PARD3: variants seen among roughly 807,000 people sequenced by gnomAD.
The protein encoded by PARD3 is par-3 family cell polarity regulator.
Under a neutral mutation model 155.4 loss-of-function variants are expected in PARD3, and 75 were observed. The observed-to-expected ratio is 0.48, with a 90% CI of 0.40 to 0.58. The LOEUF (loss-of-function observed/expected upper bound fraction) is 0.58, where lower values mean the gene tolerates loss of function less well. Ranked by LOEUF, PARD3 falls within the 20% of genes least tolerant of loss-of-function variation. The pLI is 0.00. For synonymous variants in PARD3, 576 were observed against 610.5 expected (o/e 0.94, Z 0.83); for missense variants, 1,642 against 1,721.7 (o/e 0.95, Z 0.82).
chr10:34,464,647 CAAAT>C (rs1048598662), intron 4 of PARD3, among the ~76,000 whole-genome samples: 3 of 152,062 alleles, frequency 2.0e-5, no homozygotes, highest in Non-Finnish European at 4.4e-5. Flanking sequence ...AAAAAACCAT[CAAAT>C]AAAGTTAAAC....
chr10:34,665,541 TA>T (rs755953603), intron 2 of PARD3, among the ~76,000 whole-genome samples: 1 of 150,200 alleles, frequency 6.7e-6, no homozygotes, highest in Non-Finnish European at 1.5e-5. Flanking sequence ...TAAAAATTTT[TA>T]AAAAAAAGAA....
chr10:34,776,959 C>G (rs2134136619), intron 1 of PARD3, among the ~76,000 whole-genome samples: 2 of 151,016 alleles, frequency 1.3e-5, no homozygotes, highest in South Asian at 4.2e-4. Context: ...GCCTCAGCCT[C>G]CTGAATAGCT....
chr10:34,306,969 C>T (rs1420413357), intron 20 of PARD3, among the ~76,000 whole-genome samples: 1 of 152,046 alleles, frequency 6.6e-6, no homozygotes, highest in Admixed American at 6.5e-5. Context: ...TCACTGCAAG[C>T]TCCGCCTCCT....
At chr10:34,408,274 T>TA (rs539131967) in intron 5 of PARD3, among the ~76,000 whole-genome samples, 5 of 152,150 alleles carry the variant, frequency 3.3e-5, no homozygotes, top group African/African-American at 9.6e-5. Context: ...CAAGTGTTTT[T>TA]AAAAAAAATT....
Position 34,413,949 on chromosome 10 carries a change from G to A in PARD3, c.715-12032C>T, listed in dbSNP as rs142122655. Among the ~76,000 whole-genome samples, 24 of 152,296 alleles carry A rather than the reference G, an allele frequency of 1.6e-4. 1 individual carries two copies. In the East Asian group the frequency reaches 4.4e-3, roughly 28 times the overall value. On this transcript the variant is annotated intron_variant, in intron 5 of 24. Transcript: ENST00000374788. ...ATTGACAAGGTCAAAGAGATTAATAGTTAACGATCTCATTTCTTCTGACAG... is the reference window on the plus strand; with the variant it reads ...ATTGACAAGGTCAAAGAGATTAATAATTAACGATCTCATTTCTTCTGACAG...
intron 1 of PARD3, among the ~76,000 whole-genome samples, chr10:34,802,375 A>G (rs1269142724): frequency 6.6e-6 from 1 of 152,232 alleles, no homozygotes; most frequent in Admixed American, 6.5e-5. Context: ...TGAAATAGCC[A>G]TTAAAATTTT....
intron 2 of PARD3, among the ~76,000 whole-genome samples, chr10:34,620,864 C>A (rs1005979559): frequency 3.3e-5 from 5 of 152,128 alleles, no homozygotes; most frequent in African/African-American, 1.2e-4. Context: ...AAAGAAAAAC[C>A]ACATATGCAC....
At chr10:34,368,100 A>T (rs973769928) in intron 12 of PARD3, among the ~76,000 whole-genome samples, 2 of 152,152 alleles carry the variant, frequency 1.3e-5, no homozygotes, top group Non-Finnish European at 2.9e-5. Context: ...AATACAAACA[A>T]TTAGCCAGGC....
At chr10:34,590,236 C>T (rs2088542630) in intron 2 of PARD3, among the ~76,000 whole-genome samples, 1 of 152,310 alleles carries the variant, frequency 6.6e-6, no homozygotes, top group Non-Finnish European at 1.5e-5. Flanking sequence ...GCAGGACTCA[C>T]AACGTCCCCC....
intron 5 of PARD3, among the ~76,000 whole-genome samples, chr10:34,422,850 G>A (rs890306523): frequency 8.6e-5 from 13 of 152,030 alleles, no homozygotes; most frequent in African/African-American, 2.9e-4. Context: ...AATTAGTACG[G>A]CTATTATGAA....
intron 1 of PARD3, among the ~76,000 whole-genome samples, chr10:34,733,631 G>T (rs1590867455): frequency 6.6e-6 from 1 of 152,270 alleles, no homozygotes; most frequent in East Asian, 1.9e-4. Flanking sequence ...TTACAGGCGT[G>T]TGCCACCAAA....
intron 2 of PARD3, among the ~76,000 whole-genome samples, chr10:34,529,578 A>ATTCATGACTTACACATTC (rs1564813418): frequency 6.6e-6 from 1 of 152,186 alleles, no homozygotes; most frequent in African/African-American, 2.4e-5. Flanking sequence ...CTTAACTACC[A>ATTCATGACTTACACATTC]AAGCCTACTG....
At chr10:34,330,770 A>AAT (rs1354272715) in intron 19 of PARD3, among the ~76,000 whole-genome samples, 2 of 152,156 alleles carry the variant, frequency 1.3e-5, no homozygotes, top group African/African-American at 4.8e-5. Context: ...TTTACCAAAA[A>AAT]ATATATATAT....
At chr10:34,747,729 G>A (rs944135231) in intron 1 of PARD3, among the ~76,000 whole-genome samples, 2 of 152,106 alleles carry the variant, frequency 1.3e-5, no homozygotes, top group African/African-American at 2.4e-5. Context: ...GACTAACAAC[G>A]ATTTAAAAGC....
At chr10:34,401,288 T>A (rs1843853893) in intron 6 of PARD3, among the ~76,000 whole-genome samples, 1 of 152,178 alleles carries the variant, frequency 6.6e-6, no homozygotes. Flanking sequence ...CCTTTTACAC[T>A]TAAAATCATT....
intron 5 of PARD3, among the ~76,000 whole-genome samples, chr10:34,403,177 G>A (rs1844082433): frequency 6.6e-6 from 1 of 152,100 alleles, no homozygotes; most frequent in Non-Finnish European, 1.5e-5. Flanking sequence ...TATTTAATCT[G>A]TTTCTTAGAG....
At chr10:34,239,924 A>T (rs971324731) in intron 22 of PARD3, among the ~76,000 whole-genome samples, 1 of 152,188 alleles carries the variant, frequency 6.6e-6, no homozygotes, top group Non-Finnish European at 1.5e-5. Flanking sequence ...TATTGGCAGG[A>T]AATAGGATAG....
At chr10:34,718,028 C>T (rs1175832576) in intron 1 of PARD3, among the ~76,000 whole-genome samples, 2 of 151,886 alleles carry the variant, frequency 1.3e-5, no homozygotes, top group African/African-American at 4.8e-5. Context: ...GTGGTGCATG[C>T]CTGTAATCCC....
At chr10:34,313,399 T>G (rs1053683463) in intron 20 of PARD3, among the ~76,000 whole-genome samples, 1 of 152,286 alleles carries the variant, frequency 6.6e-6, no homozygotes, top group Admixed American at 6.5e-5. Context: ...CAGGAAAAAC[T>G]TTGCATTTGT....
Sources: allele counts gnomAD v4.1 joint callset (sites outside exome capture counted in the v4.1 genomes callset), GRCh38; gene constraint gnomAD v4.1.1; transcripts MANE v1.5; gene names NCBI Gene and HGNC (gene_info 2026-07-23, HGNC 2026-07-21).